Variants in KAZN observed in about 807,000 individuals in gnomAD.
The protein encoded by KAZN is kazrin, periplakin interacting protein, also known as kazrin.
In KAZN, 40 loss-of-function variants were observed where a neutral mutation model predicts 87.4. The ratio of observed to expected loss-of-function variants is 0.46; its 90% CI spans 0.36 to 0.60. The LOEUF is 0.60. Ranked by LOEUF, KAZN falls within the 20% of genes least tolerant of loss-of-function variation. KAZN has a pLI of 0.00. For missense variants in KAZN, 898 were observed against 1,073.9 expected (o/e 0.84, Z 2.29); for synonymous variants, 466 against 458.3 (o/e 1.02, Z -0.22).
At chr1:14,692,338 T>C in intron 1 of KAZN, 1 of 414,844 alleles carries the variant, frequency 2.4e-6, no homozygotes, top group Non-Finnish European at 4.3e-6. Flanking sequence ...GCTCTCATTT[T>C]TTCGATCTTT....
rs756024690 is a variant in KAZN, at chr1:15,104,147, G to A, written c.2006G>A (p.Arg669Lys). 3.7e-6 allele frequency: 6 copies of A among 1,603,864 alleles called. No individual in the cohort carries two copies. The South Asian group carries it at 6.8e-5, about 18-fold the overall frequency. ...CCCAGTGGGAAGCACATCCTCCGGA[G>A]ACACCTGGCAGAGGAGATGAGCGCC... Reference protein sequence around the residue: ...GIPSGKHILRRHLAEEMSAVF... With the variant: ...GIPSGKHILRKHLAEEMSAVF... The change falls in exon 13 of 15, where the codon AGA becomes AAA. Residue 669 changes from arginine (R) to lysine (K), a missense_variant. Arg to Lys is a conservative substitution (Grantham distance 26, BLOSUM62 2). Transcript: ENST00000376030.
intron 1 of KAZN, among the ~76,000 whole-genome samples, chr1:13,985,515 A>G (rs993301258): frequency 5.5e-5 from 7 of 126,860 alleles, no homozygotes; most frequent in Non-Finnish European, 1.1e-4. Flanking sequence ...ATGAGAACAC[A>G]TGGACACAGG....
At chr1:14,772,749 C>T (rs932207549) in intron 1 of KAZN, among the ~76,000 whole-genome samples, 2 of 152,096 alleles carry the variant, frequency 1.3e-5, no homozygotes, top group Admixed American at 1.3e-4. Flanking sequence ...GAGACCCCTT[C>T]CCCGAGGGTC....
chr1:14,809,291 G>A (rs1646329953), intron 1 of KAZN, among the ~76,000 whole-genome samples: 1 of 152,226 alleles, frequency 6.6e-6, no homozygotes, highest in Admixed American at 6.5e-5. Context: ...GGTGTCTGGA[G>A]AGGCTGGTGA....
At chr1:14,424,690 A>G (rs1471061550) in intron 2 of KAZN, among the ~76,000 whole-genome samples, 3 of 152,206 alleles carry the variant, frequency 2.0e-5, no homozygotes, top group Non-Finnish European at 4.4e-5. Context: ...AGATGTTTAC[A>G]TTGCAAAGAA....
intron 1 of KAZN, among the ~76,000 whole-genome samples, chr1:14,672,172 A>G (rs796745693): frequency 6.6e-5 from 10 of 152,182 alleles, no homozygotes; most frequent in Non-Finnish European, 1.5e-4. Flanking sequence ...GGCCAACACC[A>G]TAATGAAAGG....
intron 1 of KAZN, among the ~76,000 whole-genome samples, chr1:14,171,309 G>A (rs1347776847): frequency 6.6e-6 from 1 of 152,070 alleles, no homozygotes; most frequent in Admixed American, 6.5e-5. Flanking sequence ...ATATACCTAA[G>A]AGTAAATTCC....
rs559043908 is a variant in KAZN, at chr1:14,923,787, C to A, written c.227-36897C>A. 5.6e-4 allele frequency among the ~76,000 whole-genome samples: 86 copies of A among 152,306 alleles called. 1 individual carries two copies. The highest frequency in any genetic ancestry group is 1.8e-3 in the African/African-American group (75 of 41,574). ...CTCTCCCGGTCAGCTGTGGGGACCT[C>A]GGCTCTCGGCAAGGCTGTCACAGGG... On this transcript the variant is annotated intron_variant, in intron 1 of 14. Transcript: ENST00000376030. This position sits in a 1 kb window ranked among gnomAD's most constrained non-coding sequence, Gnocchi z 4.2.
At chr1:14,777,170 G>GTC (rs1645204689) in intron 1 of KAZN, among the ~76,000 whole-genome samples, 1 of 90,350 alleles carries the variant, frequency 1.1e-5, no homozygotes, top group Admixed American at 1.3e-4. Flanking sequence ...TTTTTTTTTT[G>GTC]TATTTTTAGT....
At chr1:14,613,842 C>A (rs965049327) in intron 1 of KAZN, among the ~76,000 whole-genome samples, 1 of 152,192 alleles carries the variant, frequency 6.6e-6, no homozygotes, top group East Asian at 1.9e-4. Context: ...CCTTGGAAAA[C>A]TATGGCCTCT....
At chr1:14,580,061 CT>C (rs1299312014) in intron 2 of KAZN, among the ~76,000 whole-genome samples, 1 of 152,160 alleles carries the variant, frequency 6.6e-6, no homozygotes, top group African/African-American at 2.4e-5. Flanking sequence ...AATCCGACAT[CT>C]TTTTTGTGGC....
At chr1:13,948,531 T>G (rs12137770) in intron 1 of KAZN, among the ~76,000 whole-genome samples, 15,920 of 152,166 alleles carry the variant, frequency 0.1, 907 homozygotes, top group Middle Eastern at 0.14. Flanking sequence ...ACCCAGTCTC[T>G]GGTATTTCTT....
intron 1 of KAZN, among the ~76,000 whole-genome samples, chr1:14,732,980 A>G (rs1251401877): frequency 1.3e-5 from 2 of 152,074 alleles, no homozygotes; most frequent in Non-Finnish European, 2.9e-5. Flanking sequence ...CCCTATGTTC[A>G]CGGAGCAAGC....
At chr1:14,098,491 T>C (rs1029609868) in intron 1 of KAZN, among the ~76,000 whole-genome samples, 2 of 152,152 alleles carry the variant, frequency 1.3e-5, no homozygotes, top group Non-Finnish European at 2.9e-5. Context: ...AATTGCAACA[T>C]TATGTAAATG....
intron 2 of KAZN, among the ~76,000 whole-genome samples, chr1:14,205,791 C>G (rs1646727074): frequency 7.0e-6 from 1 of 142,216 alleles, no homozygotes; most frequent in South Asian, 2.2e-4. Flanking sequence ...GAGGCTAAGG[C>G]AGGAGAATCG....
rs899426116 is a variant in KAZN, at chr1:13,893,596, A to G, written c.-70A>G. Reference sequence around the variant, plus strand: ...CTGCAGTTCCTGGGCCAGCGACGGCATCCTTTGCTCTGACACTCCAAGGGT... The same window carrying G: ...CTGCAGTTCCTGGGCCAGCGACGGCGTCCTTTGCTCTGACACTCCAAGGGT... On this transcript the variant is annotated 5_prime_UTR_variant, in exon 1 of 17. Coordinates refer to the KAZN transcript ENST00000636203. 6 of 1,520,706 alleles carry G rather than the reference A, an allele frequency of 3.9e-6. No homozygotes were observed. In the African/African-American group the frequency reaches 4.2e-5, roughly 11 times the overall value. 94.2% of individuals were successfully genotyped at this position (1,520,706 alleles called of 1,614,324 possible). A position where few individuals can be genotyped will look rare whatever the true frequency, so the allele number is the denominator to read the frequency against.
chr1:14,565,670 C>G (rs1360586043), intron 2 of KAZN, among the ~76,000 whole-genome samples: 1 of 152,206 alleles, frequency 6.6e-6, no homozygotes, highest in Non-Finnish European at 1.5e-5. Context: ...GCTGCTTTAT[C>G]AACTAAGTTT....
chr1:14,914,349 C>G (rs931981388), intron 1 of KAZN, among the ~76,000 whole-genome samples: 3 of 152,238 alleles, frequency 2.0e-5, no homozygotes, highest in Admixed American at 6.5e-5. Flanking sequence ...CACCCACCAA[C>G]AGGAGAAAAG....
At chr1:14,791,233 A>G (rs906412193) in intron 1 of KAZN, among the ~76,000 whole-genome samples, 2 of 152,062 alleles carry the variant, frequency 1.3e-5, no homozygotes, top group African/African-American at 2.4e-5. Flanking sequence ...TTAAGATTTC[A>G]TCACCCGGGA....
Sources: gnomAD v4.1 joint callset for allele counts (sites outside exome capture counted in the v4.1 genomes callset) on GRCh38, gnomAD v4.1.1 for gene constraint, Gnocchi (gnomAD v3.1) non-coding constraint, MANE v1.5 for transcripts, NCBI Gene and HGNC (gene_info 2026-07-23, HGNC 2026-07-21) for gene names.